Variants in UAP1 observed in about 807,000 individuals in gnomAD.
UAP1 encodes UDP-N-acetylglucosamine pyrophosphorylase 1.
Under a neutral mutation model 58.5 loss-of-function variants are expected in UAP1, and 25 were observed. The observed-to-expected ratio is 0.43, with a 90% CI of 0.31 to 0.60. The LOEUF (loss-of-function observed/expected upper bound fraction) is 0.60. Ranked by LOEUF, UAP1 falls within the 20% of genes least tolerant of loss-of-function variation. The pLI is 0.11. For synonymous variants in UAP1, 208 were observed against 213.0 expected (o/e 0.98, Z 0.21); for missense variants, 575 against 630.0 (o/e 0.91, Z 0.93).
intron 8 of UAP1, 90 bp from the exon 9 acceptor site, chr1:162,592,642 C>G (rs1358505541): frequency 1.2e-5 from 11 of 945,400 alleles, no homozygotes; most frequent in Non-Finnish European, 1.5e-5. Flanking sequence ...TAAATACATA[C>G]CATTCAATCA....
chr1:162,585,763 G>A lies in UAP1; in HGVS notation c.835-1712G>A, dbSNP rs191437790. Among the ~76,000 whole-genome samples, 3 of 126,698 alleles carry A rather than the reference G, an allele frequency of 2.4e-5. No homozygotes were observed. The East Asian group carries it at 6.8e-4, about 29-fold the overall frequency. The allele number at this position is 126,698 out of a possible 152,430, so 83.1% of individuals were successfully genotyped here. Reference sequence around the variant, plus strand: ...GGAGTAGGAGTATATAGTGGTGACTGGAAAATAAACCTGTGTGCGTTAAAA... The same window carrying A: ...GGAGTAGGAGTATATAGTGGTGACTAGAAAATAAACCTGTGTGCGTTAAAA... On this transcript the variant is annotated intron_variant, in intron 5 of 10. Coordinates refer to ENST00000271469, the Ensembl canonical transcript of UAP1.
At chr1:162,580,910 A>G (rs1226833769) in intron 4 of UAP1, among the ~76,000 whole-genome samples, 1 of 152,224 alleles carries the variant, frequency 6.6e-6, no homozygotes, top group East Asian at 1.9e-4. Context: ...TGGGGTTATA[A>G]ATACAGAGCT....
chr1:162,590,645 A>G, intron 8 of UAP1, 134 bp downstream of exon 8: 1 of 565,072 alleles, frequency 1.8e-6, no homozygotes, highest in Non-Finnish European at 2.9e-6. Flanking sequence ...ACAGTTCCTG[A>G]TGTGAAATAA....
intron 6 of UAP1, chr1:162,588,158 C>T (rs1386319322): frequency 6.5e-6 from 1 of 154,252 alleles, no homozygotes; most frequent in East Asian, 1.9e-4. Context: ...AATTACTTGA[C>T]ACCTGCATGA....
intron 8 of UAP1, among the ~76,000 whole-genome samples, chr1:162,590,758 C>T (rs574174606): frequency 2.0e-5 from 3 of 151,790 alleles, no homozygotes; most frequent in Admixed American, 2.0e-4. Flanking sequence ...GGAAACATTG[C>T]CACCATGACA....
exon 1 of UAP1, chr1:162,561,554 G>A (rs1653131147): frequency 6.6e-6 from 1 of 151,940 alleles, no homozygotes; most frequent in African/African-American, 2.4e-5. Context: ...GCGCTGACGT[G>A]TCTGGGCGGT....
At chr1:162,563,800 CAG>C (rs539582774) in intron 1 of UAP1, among the ~76,000 whole-genome samples, 72 of 152,266 alleles carry the variant, frequency 4.7e-4, no homozygotes, top group African/African-American at 1.7e-3. Flanking sequence ...TTTTATCAGA[CAG>C]AGCACTCTTT....
chr1:162,598,337 TC>T (rs1243369497), intron 10 of UAP1, among the ~76,000 whole-genome samples: 1 of 152,212 alleles, frequency 6.6e-6, no homozygotes. Flanking sequence ...GAGGAGCTCT[TC>T]CTGGGAACAA....
At chr1:162,592,181 T>C (rs1276646581) in intron 8 of UAP1, among the ~76,000 whole-genome samples, 1 of 152,116 alleles carries the variant, frequency 6.6e-6, no homozygotes, top group Non-Finnish European at 1.5e-5. Flanking sequence ...GCAGATTACC[T>C]GAGGTTCAAG....
intron 8 of UAP1, 96 bp downstream of exon 8, chr1:162,590,607 T>C (rs1205982417): frequency 3.7e-6 from 4 of 1,077,716 alleles, no homozygotes; most frequent in Non-Finnish European, 5.2e-6. Context: ...CCTAGATCTT[T>C]TTTAAAAAGC....
intron 2 of UAP1, among the ~76,000 whole-genome samples, chr1:162,569,621 G>A (rs973262714): frequency 6.6e-6 from 1 of 152,090 alleles, no homozygotes; most frequent in South Asian, 2.1e-4. Context: ...TAAAACAAAT[G>A]CATGCTTATT....
intron 3 of UAP1, among the ~76,000 whole-genome samples, chr1:162,577,780 T>G (rs913501634): frequency 2.0e-5 from 3 of 151,866 alleles, no homozygotes; most frequent in Non-Finnish European, 4.4e-5. Context: ...CCTGGCTAAT[T>G]TTTGTATTTT....
At position 162,579,427 on chromosome 1, in the gene UAP1, G is replaced by C; in HGVS notation, c.486-1G>C. On this transcript the variant is annotated splice_acceptor_variant, in intron 3 of 10. Coordinates refer to ENST00000271469, the Ensembl canonical transcript of UAP1. LOFTEE classifies it high-confidence loss of function. ...TAGAAGATCTGATTTTCTCTTGTAAGGTATATAATGACCAGTGGCAGAACA... is the reference window on the plus strand; with the variant it reads ...TAGAAGATCTGATTTTCTCTTGTAACGTATATAATGACCAGTGGCAGAACA... The C allele has an allele frequency of 6.5e-7, 1 of 1,543,648 alleles. No individual in the cohort carries two copies. Among genetic ancestry groups the C allele is most frequent in the Non-Finnish European group, 8.7e-7 (1 of 1,144,970 alleles).
chr1:162,574,506 G>A (rs1403092276), intron 2 of UAP1, among the ~76,000 whole-genome samples: 1 of 152,188 alleles, frequency 6.6e-6, no homozygotes, highest in African/African-American at 2.4e-5. Context: ...ATTACCTAAG[G>A]ATTTTAAAAT....
At chr1:162,591,286 C>G (rs1318757134) in intron 8 of UAP1, among the ~76,000 whole-genome samples, 3 of 152,114 alleles carry the variant, frequency 2.0e-5, no homozygotes, top group Non-Finnish European at 4.4e-5. Context: ...CACCCCCAGG[C>G]TACCTACAAA....
At chr1:162,571,210 C>T (rs946209943) in intron 2 of UAP1, among the ~76,000 whole-genome samples, 2 of 151,700 alleles carry the variant, frequency 1.3e-5, no homozygotes, top group African/African-American at 2.4e-5. Flanking sequence ...CTCACTGCAA[C>T]CTCTGCCTCC....
At chr1:162,595,717 C>A (rs1160353528) in intron 9 of UAP1, among the ~76,000 whole-genome samples, 1 of 152,116 alleles carries the variant, frequency 6.6e-6, no homozygotes, top group Non-Finnish European at 1.5e-5. Context: ...CTGGGATGTT[C>A]AAGATGCACA....
chr1:162,568,521 T>C (rs2101737533), intron 2 of UAP1, among the ~76,000 whole-genome samples: 1 of 152,368 alleles, frequency 6.6e-6, no homozygotes, highest in South Asian at 2.1e-4. Context: ...TTGGATCTTC[T>C]TCAAGGAGGT....
At chr1:162,599,797 A>G (rs1655829352) in exon 11 of UAP1, 1 of 152,616 alleles carries the variant, frequency 6.6e-6, no homozygotes, top group Non-Finnish European at 1.5e-5. Flanking sequence ...TTTTAAGAAA[A>G]TAATTGGGCA....
Sources: gnomAD v4.1 joint callset for allele counts (sites outside exome capture counted in the v4.1 genomes callset) on GRCh38, gnomAD v4.1.1 for gene constraint, MANE v1.5 for transcripts, NCBI Gene and HGNC (gene_info 2026-07-23, HGNC 2026-07-21) for gene names.